Variants in TTC28 observed in about 807,000 individuals in gnomAD.
TTC28 encodes tetratricopeptide repeat protein 28.
In TTC28, 61 loss-of-function variants were observed where a neutral mutation model predicts 198.0. The observed-to-expected ratio is 0.31, with a 90% CI of 0.25 to 0.38. The LOEUF is 0.38. Ranked by LOEUF, TTC28 falls within the 10% of genes least tolerant of loss-of-function variation. TTC28 has a pLI of 1.00. For missense variants in TTC28, 2,678 were observed against 3,164.0 expected, an observed-to-expected ratio of 0.85 and a Z score of 3.69; for synonymous variants, 1,171 against 1,297.8, an observed-to-expected ratio of 0.90 and a Z score of 2.10.
At chr22:28,336,570 G>C (rs134493) in intron 2 of TTC28, among the ~76,000 whole-genome samples, 148,823 of 152,144 alleles carry the variant, frequency 0.98, 72,786 homozygotes, top group East Asian at 0.99. Context: ...GTCTTGGGAG[G>C]GTGTATGTAT....
chr22:28,220,162 G>A (rs1373076506), intron 5 of TTC28, among the ~76,000 whole-genome samples: 2 of 152,188 alleles, frequency 1.3e-5, no homozygotes, highest in African/African-American at 4.8e-5. Flanking sequence ...GAGAAAAATT[G>A]TTTGATAAAG....
chr22:28,159,075 C>A (rs1394873835), intron 6 of TTC28, among the ~76,000 whole-genome samples: 1 of 152,080 alleles, frequency 6.6e-6, no homozygotes, highest in Non-Finnish European at 1.5e-5. Flanking sequence ...GGAAAAAAGT[C>A]TAATAATCTG....
chr22:28,112,269 A>G (rs1465552928), intron 6 of TTC28, among the ~76,000 whole-genome samples: 3 of 152,182 alleles, frequency 2.0e-5, no homozygotes, highest in African/African-American at 7.2e-5. Context: ...AAGGAAAGGA[A>G]TTCTGTTTCT....
intron 2 of TTC28, among the ~76,000 whole-genome samples, chr22:28,388,189 G>A (rs1375515691): frequency 6.6e-6 from 1 of 152,126 alleles, no homozygotes; most frequent in African/African-American, 2.4e-5. Context: ...GCTCTATTCT[G>A]TTCCATTGAT....
chr22:28,003,478 G>GCCAGCC (rs557898098), intron 14 of TTC28, among the ~76,000 whole-genome samples: 1 of 152,244 alleles, frequency 6.6e-6, no homozygotes, highest in African/African-American at 2.4e-5. Context: ...GTGACAAGAT[G>GCCAGCC]CCAGCCCCAG....
At chr22:28,286,925 A>G (rs1184847349) in intron 5 of TTC28, among the ~76,000 whole-genome samples, 4 of 152,196 alleles carry the variant, frequency 2.6e-5, no homozygotes, top group Non-Finnish European at 5.9e-5. Context: ...AACCATGTTT[A>G]TGGAATATAA....
rs1209025223 is a variant in TTC28 at position 27,980,897 on chromosome 22, A to AAGAT, written c.*1320_*1323dup. On this transcript the variant is annotated 3_prime_UTR_variant, in exon 23 of 23. Transcript: ENST00000397906. The stretch of plus-strand genomic sequence containing the variant: ...TAGGAGAAGTCCACCTCCACTTTTT[A>AAGAT]AGATACATCTCTCTCTTCCCGGTTG... 1.3e-5 allele frequency: 2 copies of AAGAT among 152,272 alleles called. No individual in the cohort carries two copies. The highest frequency in any genetic ancestry group is 2.9e-5 in the Non-Finnish European group (2 of 68,070). The allele number at this position is 152,272 out of a possible 1,614,324, so 9.4% of individuals were successfully genotyped here.
At chr22:28,304,599 T>C (rs2045098945) in intron 3 of TTC28, among the ~76,000 whole-genome samples, 1 of 152,114 alleles carries the variant, frequency 6.6e-6, no homozygotes, top group Non-Finnish European at 1.5e-5. Flanking sequence ...AAGAACCTGG[T>C]AGAGAAAACC....
At chr22:28,590,323 G>A (rs1601598871) in intron 2 of TTC28, among the ~76,000 whole-genome samples, 1 of 151,894 alleles carries the variant, frequency 6.6e-6, no homozygotes, top group East Asian at 2.0e-4. Flanking sequence ...TAGAGACGGG[G>A]TTTCACCATG....
chr22:28,488,711 G>A (rs939302322), intron 2 of TTC28, among the ~76,000 whole-genome samples: 5 of 152,062 alleles, frequency 3.3e-5, no homozygotes, highest in Admixed American at 1.3e-4. Flanking sequence ...AAAGCTCTAA[G>A]GGTGTAAAAA....
chr22:28,323,362 A>G lies in TTC28; in HGVS notation c.382-16719T>C, dbSNP rs1271268195. Among the ~76,000 whole-genome samples the G allele has an allele frequency of 2.6e-5, 4 of 152,226 alleles. No homozygotes were observed. In the East Asian group the frequency reaches 5.8e-4, roughly 22 times the overall value. On this transcript the variant is annotated intron_variant, in intron 2 of 22. Transcript: ENST00000397906. Reference sequence around the variant, plus strand: ...ATTATAGCTGTTTCAAAGAACCTCAACGGAATTCAAGATAACACAAAAAAC... The same window carrying G: ...ATTATAGCTGTTTCAAAGAACCTCAGCGGAATTCAAGATAACACAAAAAAC...
At chr22:28,048,655 A>T (rs1028698503) in intron 12 of TTC28, among the ~76,000 whole-genome samples, 1 of 152,120 alleles carries the variant, frequency 6.6e-6, no homozygotes, top group African/African-American at 2.4e-5. Flanking sequence ...CACCACCTAG[A>T]GGACAGTGCA....
intron 2 of TTC28, among the ~76,000 whole-genome samples, chr22:28,560,799 C>G (rs528079917): frequency 5.9e-5 from 9 of 152,132 alleles, no homozygotes; most frequent in African/African-American, 2.2e-4. Context: ...CCTCTGTCAC[C>G]CAGGCTGGAG....
chr22:28,274,976 TA>T (rs34582010), intron 5 of TTC28, among the ~76,000 whole-genome samples: 1,101 of 77,854 alleles, frequency 0.014, 14 homozygotes, highest in African/African-American at 0.04. Context: ...GAGACTGTCT[TA>T]AAAAAAAAAA....
At chr22:28,288,631 C>T (rs1353356376) in intron 5 of TTC28, among the ~76,000 whole-genome samples, 1 of 151,752 alleles carries the variant, frequency 6.6e-6, no homozygotes, top group African/African-American at 2.4e-5. Flanking sequence ...CACGGTGAAA[C>T]CCCGTCTCTA....
rs545580946 is a variant in TTC28 at position 28,593,278 on chromosome 22, A to G, written c.381+36274T>C. Among the ~76,000 whole-genome samples the G allele has an allele frequency of 3.9e-5, 6 of 152,270 alleles. No homozygotes were observed. In the East Asian group the frequency reaches 1.2e-3, roughly 29 times the overall value. On this transcript the variant is annotated intron_variant, in intron 2 of 22. Coordinates refer to ENST00000397906, the MANE Select transcript of TTC28 (RefSeq NM_001145418.2). Reference sequence around the variant, plus strand: ...CTTCAGAGGTTCGTGTTTCAGTTGTAGCTTCTCTAATTGTCCAAAATGACT... The same window carrying G: ...CTTCAGAGGTTCGTGTTTCAGTTGTGGCTTCTCTAATTGTCCAAAATGACT...
chr22:28,307,173 A>G (rs1471102795), intron 2 of TTC28, among the ~76,000 whole-genome samples: 2 of 152,214 alleles, frequency 1.3e-5, no homozygotes, highest in South Asian at 2.1e-4. Context: ...TGTTTCACAC[A>G]TAATATTTAA....
At chr22:28,191,623 T>C (rs1237352358) in intron 5 of TTC28, among the ~76,000 whole-genome samples, 1 of 152,164 alleles carries the variant, frequency 6.6e-6, no homozygotes, top group Non-Finnish European at 1.5e-5. Flanking sequence ...TCTTAGCAAA[T>C]GGCACAACAG....
chr22:28,341,218 A>G (rs990735281), intron 2 of TTC28, among the ~76,000 whole-genome samples: 3 of 152,236 alleles, frequency 2.0e-5, no homozygotes, highest in Non-Finnish European at 4.4e-5. Flanking sequence ...CAAATATATC[A>G]AAACAATAGA....
Sources: gnomAD v4.1 joint callset for allele counts (sites outside exome capture counted in the v4.1 genomes callset) on GRCh38, gnomAD v4.1.1 for gene constraint, MANE v1.5 for transcripts, NCBI Gene and HGNC (gene_info 2026-07-23, HGNC 2026-07-21) for gene names.